Variants in SEL1L3 observed in about 807,000 individuals in gnomAD.
The protein encoded by SEL1L3 is SEL1L family member 3.
SEL1L3 carries 76 observed loss-of-function variants against 142.8 expected under a neutral mutation model. That is an observed-to-expected ratio of 0.53 (90% CI 0.44 to 0.64). The LOEUF is 0.64. Among genes scored for constraint, SEL1L3 ranks in the 30% least tolerant of loss-of-function variants. SEL1L3 has a pLI of 0.00. For missense variants in SEL1L3, 1,262 were observed against 1,381.7 expected, an observed-to-expected ratio of 0.91 and a Z score of 1.37; for synonymous variants, 504 against 519.6, an observed-to-expected ratio of 0.97 and a Z score of 0.41.
At chr4:25,756,504 T>G in intron 23 of SEL1L3, 1 of 983,528 alleles carries the variant, frequency 1.0e-6, no homozygotes, top group African/African-American at 1.7e-5. Context: ...TAATATTTTT[T>G]TCATTTTATG....
In SEL1L3 at chr4:25,862,829, C is replaced by G; in HGVS notation, c.8G>C (p.Arg3Pro). ...CGGCCACCCGAGCCCCGCGCCGCGC[C>G]GCTGCATGGCGAGGCCGCCCGGATC... Reference protein sequence around the residue: MQRRGAGLGWPRQ... With the variant: MQPRGAGLGWPRQ... Residue 3 changes from arginine (R) to proline (P), a missense_variant, in exon 1 of 24, where the codon CGG becomes CCG. Physicochemically the swap from Arg to Pro is moderately radical, Grantham distance 103 (BLOSUM62 -2). Around this residue, in one of 3 missense-constraint regions of SEL1L3, gnomAD observed 689 missense variants for 692.8 expected, o/e 0.99. Coordinates refer to ENST00000399878, the MANE Select transcript of SEL1L3 (RefSeq NM_015187.5). 1 of 1,126,752 alleles carries G rather than the reference C, an allele frequency of 8.9e-7. No homozygotes were observed. Among genetic ancestry groups the G allele is most frequent in the Non-Finnish European group, 1.1e-6 (1 of 922,070 alleles). 69.8% of individuals were successfully genotyped at this position (1,126,752 alleles called of 1,614,324 possible). A position where few individuals can be genotyped will look rare whatever the true frequency, so the allele number is the denominator to read the frequency against.
At chr4:25,789,049 T>C (rs939001830) in intron 12 of SEL1L3, among the ~76,000 whole-genome samples, 3 of 152,170 alleles carry the variant, frequency 2.0e-5, no homozygotes, top group African/African-American at 7.2e-5. Flanking sequence ...CCCAGAGCTA[T>C]ACATTGGAAT....
At chr4:25,757,914 G>GACA (rs1363775255) in intron 21 of SEL1L3, 124 bp from the exon 22 acceptor site, 1 of 673,740 alleles carries the variant, frequency 1.5e-6, no homozygotes, top group African/African-American at 1.8e-5. Flanking sequence ...ACACTCAACT[G>GACA]ACAAAGATGA....
At chr4:25,812,405 T>C (rs116621890) in intron 9 of SEL1L3, among the ~76,000 whole-genome samples, 196 of 152,268 alleles carry the variant, frequency 1.3e-3, no homozygotes, top group African/African-American at 4.5e-3. Context: ...CTTTCCTGAT[T>C]TCACAGTAGA....
chr4:25,739,254 A>G, the SEL1L3 span, among the ~76,000 whole-genome samples: 6 of 152,086 alleles, frequency 3.9e-5, no homozygotes, highest in African/African-American at 1.4e-4. Context: ...CAATGTCTGG[A>G]GGCATTTTTG....
At chr4:25,731,922 A>G in the SEL1L3 span, among the ~76,000 whole-genome samples, 2 of 152,036 alleles carry the variant, frequency 1.3e-5, no homozygotes, top group African/African-American at 2.4e-5. Context: ...AAAATACAAA[A>G]AGTTAGCTGG....
chr4:25,784,263 G>A lies in SEL1L3; in HGVS notation c.2245C>T (p.Leu749Phe). 1.9e-6 allele frequency: 3 copies of A among 1,613,764 alleles called. No homozygotes were observed. Among genetic ancestry groups the A allele is most frequent in the Non-Finnish European group, 2.5e-6 (3 of 1,179,726 alleles). ...KGQGVKKNRR[L>F]ALELMKKAAS... The stretch of plus-strand genomic sequence containing the variant: ...GCTTTCTTCATCAGCTCTAAGGCAA[G>A]CCGTCTGTTCTTTTTTACTCCTTGA... Residue 749 changes from leucine (L) to phenylalanine (F), a missense_variant, in exon 14 of 24, where the codon CTT becomes TTT. Around this residue, in one of 3 missense-constraint regions of SEL1L3, gnomAD observed 435 missense variants for 559.2 expected, o/e 0.78. Coordinates refer to ENST00000399878, the MANE Select transcript of SEL1L3 (RefSeq NM_015187.5).
At chr4:25,768,139 T>G (rs1004313732) in intron 17 of SEL1L3, among the ~76,000 whole-genome samples, 1 of 152,168 alleles carries the variant, frequency 6.6e-6, no homozygotes, top group African/African-American at 2.4e-5. Context: ...TGAATCCTTC[T>G]TGCATCCTCG....
chr4:25,733,430 A>G, the SEL1L3 span, among the ~76,000 whole-genome samples: 7 of 151,654 alleles, frequency 4.6e-5, no homozygotes, highest in Non-Finnish European at 7.4e-5. Flanking sequence ...TTGCTAACAT[A>G]TCAAAACATA....
intron 2 of SEL1L3, among the ~76,000 whole-genome samples, chr4:25,839,411 C>A (rs1347618075): frequency 6.6e-6 from 1 of 152,112 alleles, no homozygotes; most frequent in African/African-American, 2.4e-5. Flanking sequence ...TTCAGTGAAG[C>A]CTTGTGGTTA....
At chr4:25,746,681 G>A (rs971974201), downstream of SEL1L3, among the ~76,000 whole-genome samples, 9 of 151,210 alleles carry the variant, frequency 6.0e-5, no homozygotes, top group East Asian at 1.9e-4. Flanking sequence ...CTCTAGCCAC[G>A]TAAGACATGT....
chr4:25,762,974 C>CA (rs34744540), intron 20 of SEL1L3, among the ~76,000 whole-genome samples: 35,550 of 112,698 alleles, frequency 0.32, 4,724 homozygotes, highest in Middle Eastern at 0.39. Context: ...GACTCTGTGT[C>CA]AAAAAAAAAA....
intron 8 of SEL1L3, among the ~76,000 whole-genome samples, chr4:25,819,528 C>T (rs1281975658): frequency 6.6e-6 from 1 of 152,218 alleles, no homozygotes; most frequent in African/African-American, 2.4e-5. Context: ...TGCGAAGGCA[C>T]AAAACACTCG....
chr4:25,771,397 C>G (rs1484968337), intron 17 of SEL1L3, among the ~76,000 whole-genome samples: 1 of 152,200 alleles, frequency 6.6e-6, no homozygotes, highest in Non-Finnish European at 1.5e-5. Context: ...TCCTTTCAGA[C>G]CCAGCAAATG....
chr4:25,805,130 C>T (rs969794934), intron 9 of SEL1L3, among the ~76,000 whole-genome samples: 1 of 152,206 alleles, frequency 6.6e-6, no homozygotes, highest in South Asian at 2.1e-4. Flanking sequence ...TTTTATCTCA[C>T]AAACAGTTCT....
rs16877591 is a variant in SEL1L3 at position 25,804,657 on chromosome 4, T to C, written c.1660A>G (p.Ile554Val). The C allele has an allele frequency of 9.7e-3, 15,604 of 1,613,670 alleles. 1,347 individuals carry two copies. The African/African-American group carries it at 0.18, about 19-fold the overall frequency. The change falls in exon 10 of 24, where the codon ATT becomes GTT. Residue 554 changes from isoleucine (I) to valine (V), a missense_variant. Coordinates refer to ENST00000399878, the MANE Select transcript of SEL1L3 (RefSeq NM_015187.5). ...GTCAGAAAGGGGACGATAGAGCTAA[T>C]TTGGTGAAGACCATCAATGCTAGAG... ...RLSSIDGLHQISSIVPFLTDS... is the reference protein window; with the variant it reads ...RLSSIDGLHQVSSIVPFLTDS...
chr4:25,839,980 TA>T (rs913054198), intron 2 of SEL1L3, among the ~76,000 whole-genome samples: 2 of 152,104 alleles, frequency 1.3e-5, no homozygotes, highest in Middle Eastern at 3.2e-3. Context: ...AATTCAACTT[TA>T]AAAAAAGTAT....
intron 23 of SEL1L3, chr4:25,755,988 T>C (rs1187923488): frequency 2.0e-6 from 2 of 985,328 alleles, no homozygotes; most frequent in Non-Finnish European, 2.4e-6. Context: ...GCATCAAGCC[T>C]GGAAGGTTTT....
At chr4:25,774,821 G>T (rs1401674549) in intron 17 of SEL1L3, among the ~76,000 whole-genome samples, 2 of 152,190 alleles carry the variant, frequency 1.3e-5, no homozygotes, top group Non-Finnish European at 2.9e-5. Flanking sequence ...CCCTAGCCTG[G>T]GTGACAGAGT....
Sources: allele counts gnomAD v4.1 joint callset (sites outside exome capture counted in the v4.1 genomes callset), GRCh38; gene constraint gnomAD v4.1.1; regional missense constraint gnomAD v4.1.1; transcripts MANE v1.5; gene names NCBI Gene and HGNC (gene_info 2026-07-23, HGNC 2026-07-21).